The following LRRC7 variants were observed in gnomAD, a reference collection of about 807,000 sequenced individuals.
LRRC7 encodes the protein leucine rich repeat containing 7, also known as leucine-rich repeat-containing protein 7.
LRRC7 carries 23 observed loss-of-function variants against 175.7 expected under a neutral mutation model. The ratio of observed to expected loss-of-function variants is 0.13; its 90% CI spans 0.09 to 0.19. The LOEUF (loss-of-function observed/expected upper bound fraction) is 0.19, where lower values mean the gene tolerates loss of function less well. Ranked by LOEUF, LRRC7 falls within the 10% of genes least tolerant of loss-of-function variation. LRRC7 has a pLI of 1.00. For missense variants in LRRC7, 1,354 were observed against 1,904.7 expected, an observed-to-expected ratio of 0.71 and a Z score of 5.38; for synonymous variants, 685 against 680.9, an observed-to-expected ratio of 1.01 and a Z score of -0.09.
intron 6 of LRRC7, 61 bp downstream of exon 6, chr1:69,834,930 T>C (rs1323586459): frequency 1.6e-6 from 2 of 1,262,400 alleles, no homozygotes; most frequent in East Asian, 2.4e-5. Context: ...GCTTTACCAG[T>C]GCCAGTTGAT....
intron 22 of LRRC7, among the ~76,000 whole-genome samples, chr1:70,047,961 T>C (rs1469169382): frequency 6.6e-6 from 1 of 152,026 alleles, no homozygotes; most frequent in Non-Finnish European, 1.5e-5. Flanking sequence ...TAGTATTTTC[T>C]ATTGATTTTT....
chr1:69,626,842 C>T (rs915904266), intron 1 of LRRC7, among the ~76,000 whole-genome samples: 7 of 151,288 alleles, frequency 4.6e-5, no homozygotes, highest in Admixed American at 1.3e-4. Context: ...TTTGTCCTTG[C>T]GATAGTTTGC....
At chr1:69,709,868 A>G (rs1176687375) in intron 2 of LRRC7, among the ~76,000 whole-genome samples, 1 of 152,118 alleles carries the variant, frequency 6.6e-6, no homozygotes, top group Non-Finnish European at 1.5e-5. Flanking sequence ...TTTTAAGTTT[A>G]TTTCTTATGA....
intron 4 of LRRC7, among the ~76,000 whole-genome samples, chr1:69,802,148 C>A (rs937916762): frequency 2.6e-5 from 4 of 151,384 alleles, no homozygotes; most frequent in Middle Eastern, 3.4e-3. Context: ...TATGGTCTAT[C>A]TATATTGGAG....
At chr1:69,918,799 A>G (rs1048054951) in intron 7 of LRRC7, among the ~76,000 whole-genome samples, 2 of 152,194 alleles carry the variant, frequency 1.3e-5, no homozygotes, top group Admixed American at 1.3e-4. Flanking sequence ...ATAAAATGAG[A>G]TAAAATTAAA....
At chr1:69,838,071 G>A (rs1475606187) in intron 6 of LRRC7, among the ~76,000 whole-genome samples, 156 bp from the exon 7 acceptor site, 1 of 151,484 alleles carries the variant, frequency 6.6e-6, no homozygotes, top group African/African-American at 2.4e-5. Flanking sequence ...TCATTTCTTT[G>A]TGTTAGAAAT....
intron 2 of LRRC7, among the ~76,000 whole-genome samples, chr1:69,703,770 T>C (rs1663678696): frequency 6.6e-6 from 1 of 152,024 alleles, no homozygotes; most frequent in African/African-American, 2.4e-5. Flanking sequence ...TTGCTTCATT[T>C]TGAGGTTTGC....
chr1:69,760,217 C>T lies in LRRC7; in HGVS notation c.127C>T (p.Arg43Trp), dbSNP rs150507629. The change falls in exon 3 of 27, where the codon CGG becomes TGG. Residue 43 changes from arginine (R) to tryptophan (W), a missense_variant. Physicochemically the swap from Arg to Trp is moderately radical, Grantham distance 101. This residue lies in a region of LRRC7 where 68 missense variants were observed against 83.4 expected (regional missense o/e 0.82). Coordinates refer to ENST00000651989, the MANE Select transcript of LRRC7 (RefSeq NM_001370785.2). ...GCAGTGCCTGGAGATGACCACCAAA[C>T]GGAAAATCATCGGCCGTCTGGTGCC... ...ELQCLEMTTK[R>W]KIIGRLVPCR... 3 of 1,612,714 alleles carry T rather than the reference C, an allele frequency of 1.9e-6. No homozygotes were observed. The highest frequency in any genetic ancestry group is 2.5e-6 in the Non-Finnish European group (3 of 1,179,210).
chr1:69,640,095 A>G (rs1297598520), intron 1 of LRRC7, among the ~76,000 whole-genome samples: 1 of 151,694 alleles, frequency 6.6e-6, no homozygotes, highest in Non-Finnish European at 1.5e-5. Flanking sequence ...GAGGATTCCT[A>G]AATGTCTTCA....
intron 21 of LRRC7, 151 bp from the exon 22 acceptor site, chr1:70,043,803 A>G (rs1660114166): frequency 3.7e-6 from 3 of 806,886 alleles, no homozygotes; most frequent in African/African-American, 3.5e-5. Flanking sequence ...TGTTTACTGT[A>G]TGCTTCTGTC....
rs1681125783 is a variant in LRRC7, at chr1:69,836,532, A to C, written c.590+1663A>C. Among the ~76,000 whole-genome samples, 3 of 151,968 alleles carry C rather than the reference A, an allele frequency of 2.0e-5. No individual in the cohort carries two copies. The South Asian group carries it at 6.2e-4, about 31-fold the overall frequency. On this transcript the variant is annotated intron_variant, in intron 6 of 26. Transcript: ENST00000651989. ...TTGGGCAAGTGAAAAACATAATACC[A>C]ATACCAAAACCACTTGAAAATAGAA...
At chr1:69,900,210 T>C (rs1646096380) in intron 7 of LRRC7, among the ~76,000 whole-genome samples, 1 of 152,202 alleles carries the variant, frequency 6.6e-6, no homozygotes, top group Non-Finnish European at 1.5e-5. Context: ...TAGGAGTCTG[T>C]TGCCTGTGAG....
intron 1 of LRRC7, among the ~76,000 whole-genome samples, chr1:69,650,194 C>A (rs1399619835): frequency 6.6e-6 from 1 of 151,974 alleles, no homozygotes; most frequent in Admixed American, 6.6e-5. Flanking sequence ...AAAAGAAGAG[C>A]AAATTTGTTT....
At chr1:69,732,599 T>A (rs1667694465) in intron 2 of LRRC7, among the ~76,000 whole-genome samples, 1 of 152,022 alleles carries the variant, frequency 6.6e-6, no homozygotes, top group Non-Finnish European at 1.5e-5. Flanking sequence ...CTAGAAAGAT[T>A]AGATTTAAGT....
At chr1:69,669,258 A>G (rs1326112480) in intron 1 of LRRC7, among the ~76,000 whole-genome samples, 1 of 152,088 alleles carries the variant, frequency 6.6e-6, no homozygotes, top group African/African-American at 2.4e-5. Flanking sequence ...GGCAGAACAG[A>G]TCTGGTGTTG....
chr1:69,724,573 A>G (rs1666732792), intron 2 of LRRC7, among the ~76,000 whole-genome samples: 1 of 152,232 alleles, frequency 6.6e-6, no homozygotes, highest in Non-Finnish European at 1.5e-5. Context: ...TTTGTAAAGA[A>G]GAATAAAATA....
intron 1 of LRRC7, among the ~76,000 whole-genome samples, chr1:69,574,393 T>G (rs533397757): frequency 6.6e-6 from 1 of 152,120 alleles, no homozygotes; most frequent in Non-Finnish European, 1.5e-5. Flanking sequence ...CAGGATTTTA[T>G]GTTATTATAT....
chr1:69,717,711 C>G (rs926885209), intron 2 of LRRC7, among the ~76,000 whole-genome samples: 22 of 143,516 alleles, frequency 1.5e-4, no homozygotes, highest in Admixed American at 2.2e-4. Flanking sequence ...TTAGCTTTAG[C>G]TGAGAAGGAA....
chr1:69,817,233 G>A (rs1404686573), intron 4 of LRRC7, among the ~76,000 whole-genome samples: 1 of 151,488 alleles, frequency 6.6e-6, no homozygotes, highest in Non-Finnish European at 1.5e-5. Flanking sequence ...TCAAGTTTCA[G>A]GTCTTATATA....
Sources: gnomAD v4.1 joint callset for allele counts (sites outside exome capture counted in the v4.1 genomes callset) on GRCh38, gnomAD v4.1.1 for gene constraint, gnomAD v4.1.1 regional missense constraint, MANE v1.5 for transcripts, NCBI Gene and HGNC (gene_info 2026-07-23, HGNC 2026-07-21) for gene names.